Variants in LRP12 observed in about 807,000 individuals in gnomAD.
LRP12 encodes LDL receptor related protein 12, also known as low-density lipoprotein receptor-related protein 12.
Under a neutral mutation model 66.0 loss-of-function variants are expected in LRP12, and 14 were observed. That is an observed-to-expected ratio of 0.21 (90% CI 0.14 to 0.33). The LOEUF is 0.33. LRP12 is among the 10% of genes least tolerant of loss of function. The probability of loss-of-function intolerance (pLI) is 1.00; values close to 1 mark genes in which losing one functional copy is unlikely to be tolerated. For synonymous variants in LRP12, 357 were observed against 359.1 expected, an observed-to-expected ratio of 0.99 and a Z score of 0.07; for missense variants, 889 against 1,053.4, an observed-to-expected ratio of 0.84 and a Z score of 2.16.
intron 1 of LRP12, among the ~76,000 whole-genome samples, chr8:104,574,371 C>T (rs1378749060): frequency 1.3e-5 from 2 of 152,106 alleles, no homozygotes; most frequent in African/African-American, 4.8e-5. Flanking sequence ...TCCTGCGACC[C>T]GAAAGTTTGG....
At position 104,498,021 on chromosome 8, in the gene LRP12, C is replaced by T. The variant is rs1421885209; in HGVS notation, c.531G>A (p.Lys177=). The change falls in exon 5 of 7, where the codon AAG becomes AAA. Residue 177 remains lysine (K), a synonymous_variant. Coordinates refer to ENST00000276654, the MANE Select transcript of LRP12 (RefSeq NM_013437.5). ...ACDQFRCGNG[K]CIPEAWKCNN... is the part of the protein sequence containing the mutation. The stretch of plus-strand genomic sequence containing the variant: ...TACATTTCCAGGCTTCTGGTATACA[C>T]TTTCCATTACCACAACGAAACTGAT... The T allele has an allele frequency of 2.5e-5, 41 of 1,613,116 alleles. No homozygotes were observed. The highest frequency in any genetic ancestry group is 4.0e-5 in the African/African-American group (3 of 74,918).
Position 104,497,256 on chromosome 8 carries a change from G to A in LRP12, c.1296C>T (p.Arg432=). ...RNGVCYPRSD[R]CNYQNHCPNG... ...TTGGGCAATGATTCTGGTAGTTGCA[G>A]CGATCAGAACGAGGATAACAGACAC... Residue 432 remains arginine (R), a synonymous_variant, in exon 5 of 7, where the codon CGC becomes CGT. Coordinates refer to ENST00000276654, the MANE Select transcript of LRP12 (RefSeq NM_013437.5). This position sits in a 1 kb window ranked among gnomAD's most constrained non-coding sequence, Gnocchi z 4.3. 1.2e-6 allele frequency: 2 copies of A among 1,614,110 alleles called. No individual in the cohort carries two copies. Among genetic ancestry groups the A allele is most frequent in the Non-Finnish European group, 1.7e-6 (2 of 1,180,020 alleles).
Position 104,490,457 on chromosome 8 carries a change from T to C in LRP12, c.*216A>G, listed in dbSNP as rs1305561107. 1.9e-6 allele frequency: 1 copy of C among 516,054 alleles called. No individual in the cohort carries two copies. Among genetic ancestry groups the C allele is most frequent in the Non-Finnish European group, 3.4e-6 (1 of 294,498 alleles). 32.0% of individuals were successfully genotyped at this position (516,054 alleles called of 1,614,324 possible). A position where few individuals can be genotyped will look rare whatever the true frequency, so the allele number is the denominator to read the frequency against. ...CAAATGAAAGGACATTATTGAACAA[T>C]ATGAATATGTGATGCATTTTTAGCT... On this transcript the variant is annotated 3_prime_UTR_variant, in exon 7 of 7. Coordinates refer to ENST00000276654, the MANE Select transcript of LRP12 (RefSeq NM_013437.5).
At chr8:104,572,407 T>C (rs1812094901) in intron 1 of LRP12, among the ~76,000 whole-genome samples, 1 of 152,152 alleles carries the variant, frequency 6.6e-6, no homozygotes, top group South Asian at 2.1e-4. Flanking sequence ...TTTTACTGTA[T>C]AATGTATAAA....
At chr8:104,547,206 T>C (rs1018206082) in intron 1 of LRP12, among the ~76,000 whole-genome samples, 7 of 140,364 alleles carry the variant, frequency 5.0e-5, no homozygotes, top group East Asian at 4.1e-4. Context: ...ATATTTTGTA[T>C]ATAATATACA....
chr8:104,583,015 A>T (rs112868144), intron 1 of LRP12, among the ~76,000 whole-genome samples: 1 of 151,924 alleles, frequency 6.6e-6, no homozygotes, highest in Non-Finnish European at 1.5e-5. Flanking sequence ...AAATCCCCTT[A>T]TCTCTATCAA....
rs753452373 is a variant in LRP12 at position 104,490,903 on chromosome 8, A to C, written c.2350T>G (p.Ser784Ala). The change falls in exon 7 of 7, where the codon TCA becomes GCA. Residue 784 changes from serine to alanine, a missense_variant. By Grantham distance (99) the Ser-to-Ala change is moderately conservative (BLOSUM62 1). Transcript: ENST00000276654. ...EMLIPISDGS[S>A]DFDVNDCSRP... ...GAGCAGTCATTCACATCAAAGTCTG[A>C]AGATCCATCAGAAATTGGAATTAGC... is the stretch of plus-strand genomic sequence containing the variant. The C allele has an allele frequency of 6.2e-7, 1 of 1,614,048 alleles. No homozygotes were observed. The highest frequency in any genetic ancestry group is 8.5e-7 in the Non-Finnish European group (1 of 1,180,022).
intron 1 of LRP12, among the ~76,000 whole-genome samples, chr8:104,538,724 G>A (rs28491098): frequency 6.6e-6 from 1 of 152,116 alleles, no homozygotes; most frequent in Non-Finnish European, 1.5e-5. Context: ...CTGACTAACA[G>A]AACTTCCCAC....
At chr8:104,517,562 T>G (rs1346164796) in intron 2 of LRP12, among the ~76,000 whole-genome samples, 1 of 152,024 alleles carries the variant, frequency 6.6e-6, no homozygotes, top group East Asian at 1.9e-4. Flanking sequence ...AAAAAGCAAT[T>G]ATAAAAACTC....
intron 2 of LRP12, among the ~76,000 whole-genome samples, chr8:104,527,808 T>G (rs1811263632): frequency 6.6e-6 from 1 of 151,406 alleles, no homozygotes; most frequent in South Asian, 2.1e-4. Context: ...ATTGTGCACA[T>G]GTACCCTAAA....
intron 3 of LRP12, chr8:104,508,029 A>G (rs1158668260): frequency 6.6e-6 from 1 of 152,206 alleles, no homozygotes; most frequent in Non-Finnish European, 1.5e-5. Context: ...TTCTAAATCT[A>G]AAATTCTATG....
Position 104,588,976 on chromosome 8 carries a change from C to CCGACGCCGA in LRP12, c.-80_-79insTCGGCGTCG, listed in dbSNP as rs1484870884. The CCGACGCCGA allele has an allele frequency of 3.2e-4, 209 of 648,504 alleles. No homozygotes were observed. The highest frequency in any genetic ancestry group is 1.4e-4 in the Admixed American group (4 of 29,010). The allele number at this position is 648,504 out of a possible 1,614,324, so 40.2% of individuals were successfully genotyped here. A position where few individuals can be genotyped will look rare whatever the true frequency, so the allele number is the denominator to read the frequency against. ...CTGGAGGTAGACGACGCCGACGCCG[C>CCGACGCCGA]CGCCGCCGCCGCCGCCGCCGCCGAG... On this transcript the variant is annotated 5_prime_UTR_variant, in exon 1 of 7. Coordinates refer to ENST00000276654, the MANE Select transcript of LRP12 (RefSeq NM_013437.5).
At chr8:104,499,285 C>G in intron 4 of LRP12, 32 bp downstream of exon 4, 1 of 1,542,018 alleles carries the variant, frequency 6.5e-7, no homozygotes, top group Non-Finnish European at 8.9e-7. Context: ...CCATAAAATT[C>G]AGTTCAATAT....
chr8:104,522,337 G>A (rs865964069), intron 2 of LRP12, among the ~76,000 whole-genome samples: 1 of 151,986 alleles, frequency 6.6e-6, no homozygotes, highest in African/African-American at 2.4e-5. Flanking sequence ...ACTATAAAAT[G>A]CAAATACATA....
chr8:104,497,186 A>G lies in LRP12; in HGVS notation c.1366T>C (p.Phe456Leu), dbSNP rs1251180920. Reference sequence around the variant, plus strand: ...ACACAACGATTGTTTTTACAATGGAAATTTCCTGGTTGGCAAAAAAAGCAG... The same window carrying G: ...ACACAACGATTGTTTTTACAATGGAGATTTCCTGGTTGGCAAAAAAAGCAG... ...KNCFFCQPGN[F>L]HCKNNRCVFE... The change falls in exon 5 of 7, where the codon TTC becomes CTC. Residue 456 changes from phenylalanine to leucine, a missense_variant. Physicochemically the swap from Phe to Leu is conservative, Grantham distance 22. Transcript: ENST00000276654. The surrounding 1 kb of genome is among the most constrained non-coding windows in gnomAD (Gnocchi z 4.3). 6.2e-7 allele frequency: 1 copy of G among 1,611,136 alleles called. No homozygotes were observed. The highest frequency in any genetic ancestry group is 8.5e-7 in the Non-Finnish European group (1 of 1,178,462).
rs1352800010 is a variant in LRP12, at chr8:104,589,250, C to T, written c.-353G>A. On this transcript the variant is annotated 5_prime_UTR_variant, in exon 1 of 7. Coordinates refer to ENST00000276654, the MANE Select transcript of LRP12 (RefSeq NM_013437.5). ...GCTCGGGCTAGCCGGCGCCGCCACT[C>T]GCCAGACTGAGCGCGCGCCCATCCG... Among the ~76,000 whole-genome samples the T allele has an allele frequency of 1.3e-5, 2 of 151,952 alleles. No individual in the cohort carries two copies. Among genetic ancestry groups the T allele is most frequent in the Non-Finnish European group, 1.5e-5 (1 of 67,938 alleles).
intron 2 of LRP12, among the ~76,000 whole-genome samples, chr8:104,512,925 C>A (rs1811018790): frequency 6.6e-6 from 1 of 152,088 alleles, no homozygotes; most frequent in Non-Finnish European, 1.5e-5. Context: ...ATTAATGATT[C>A]TTCCTAATCA....
At chr8:104,562,902 AT>A (rs1237652198) in intron 1 of LRP12, among the ~76,000 whole-genome samples, 3 of 152,206 alleles carry the variant, frequency 2.0e-5, no homozygotes, top group Non-Finnish European at 2.9e-5. Context: ...AGAATTAATG[AT>A]CTGGCATGTC....
intron 2 of LRP12, among the ~76,000 whole-genome samples, chr8:104,530,280 CA>C (rs1811305850): frequency 6.6e-6 from 1 of 152,084 alleles, no homozygotes; most frequent in Non-Finnish European, 1.5e-5. Flanking sequence ...CCCTCAAGCC[CA>C]TATGTGGAAG....
Sources: allele counts gnomAD v4.1 joint callset (sites outside exome capture counted in the v4.1 genomes callset), GRCh38; gene constraint gnomAD v4.1.1; non-coding constraint Gnocchi (gnomAD v3.1); transcripts MANE v1.5; gene names NCBI Gene and HGNC (gene_info 2026-07-23, HGNC 2026-07-21).